NSUN3: variants seen among roughly 807,000 people sequenced by gnomAD.
NSUN3 encodes the protein NOP2/Sun RNA methyltransferase 3.
A neutral mutation model predicts 36.8 loss-of-function variants in NSUN3; 24 were observed. That is an observed-to-expected ratio of 0.65 (90% confidence interval 0.47 to 0.92). The LOEUF (loss-of-function observed/expected upper bound fraction) is 0.92, where lower values mean the gene tolerates loss of function less well. Among genes scored for constraint, NSUN3 ranks in the 40% least tolerant of loss-of-function variants. The pLI is 0.00. For synonymous variants in NSUN3, 146 were observed against 145.2 expected, an observed-to-expected ratio of 1.01 and a Z score of -0.04; for missense variants, 381 against 392.8, an observed-to-expected ratio of 0.97 and a Z score of 0.25.
chr3:94,076,953 C>G, intron 2 of NSUN3: 1 of 1,031,774 alleles, frequency 9.7e-7, no homozygotes, highest in Non-Finnish European at 1.5e-6. Context: ...TTTTGTTCAT[C>G]CAATGTGTGT....
At chr3:94,101,289 G>A (rs1198263817) in intron 5 of NSUN3, among the ~76,000 whole-genome samples, 2 of 152,102 alleles carry the variant, frequency 1.3e-5, no homozygotes, top group Admixed American at 1.3e-4. Context: ...ACTGTGCCCA[G>A]CACTGATGTT....
chr3:94,126,184 C>G (rs1484203208), intron 5 of NSUN3, 27 bp from the exon 6 acceptor site: 7 of 1,582,892 alleles, frequency 4.4e-6, no homozygotes, highest in Non-Finnish European at 6.0e-6. Flanking sequence ...CTTAACTAAT[C>G]TTTTGCATTT....
At chr3:94,079,825 GTCTAAACTTTTTTCAAGGT>G (rs2077260669) in intron 2 of NSUN3, among the ~76,000 whole-genome samples, 1 of 151,896 alleles carries the variant, frequency 6.6e-6, no homozygotes, top group Admixed American at 6.6e-5. Flanking sequence ...TTAGCAATTT[GTCTAAACTTTTTTCAAGGT>G]TCTTAGCTTC....
chr3:94,080,581 T>C (rs2077264353), intron 2 of NSUN3, among the ~76,000 whole-genome samples: 1 of 152,144 alleles, frequency 6.6e-6, no homozygotes, highest in Admixed American at 6.5e-5. Context: ...CTGAAGCTGC[T>C]GCCTTTTTTT....
intron 1 of NSUN3, 154 bp from the exon 2 acceptor site, chr3:94,064,283 A>G: frequency 3.4e-6 from 2 of 589,734 alleles, no homozygotes; most frequent in Non-Finnish European, 3.0e-6. Flanking sequence ...TAGATAATGT[A>G]CAGTTTTGGT....
At chr3:94,107,085 G>C (rs992328993) in intron 5 of NSUN3, among the ~76,000 whole-genome samples, 2 of 151,940 alleles carry the variant, frequency 1.3e-5, no homozygotes, top group African/African-American at 4.8e-5. Flanking sequence ...TTGAACAATA[G>C]GTATACACCA....
At chr3:94,078,636 A>G (rs1310898286) in intron 2 of NSUN3, among the ~76,000 whole-genome samples, 2 of 152,132 alleles carry the variant, frequency 1.3e-5, no homozygotes, top group Non-Finnish European at 1.5e-5. Context: ...TTGGGTGCAT[A>G]TATATTTAGG....
At chr3:94,094,616 C>T (rs2077329923) in intron 4 of NSUN3, among the ~76,000 whole-genome samples, 1 of 152,104 alleles carries the variant, frequency 6.6e-6, no homozygotes, top group African/African-American at 2.4e-5. Context: ...CAGAGTATGA[C>T]AGTTGAAGAA....
rs1169815335 is a variant in NSUN3, at chr3:94,128,080, C to T, written c.*1590C>T. 6.6e-6 allele frequency: 1 copy of T among 152,172 alleles called. No individual in the cohort carries two copies. The highest frequency in any genetic ancestry group is 1.5e-5 in the Non-Finnish European group (1 of 68,036). The allele number at this position is 152,172 out of a possible 1,614,324, so 9.4% of individuals were successfully genotyped here. A position where few individuals can be genotyped will look rare whatever the true frequency, so the allele number is the denominator to read the frequency against. On this transcript the variant is annotated 3_prime_UTR_variant, in exon 6 of 6. Coordinates refer to ENST00000314622, the MANE Select transcript of NSUN3 (RefSeq NM_022072.5). ...CTACTAAAAATGCAAAAAAATTAGA[C>T]AGGCATGGTGGCTGGCACCAGCAAT...
At chr3:94,078,019 T>C (rs2077253890) in intron 2 of NSUN3, among the ~76,000 whole-genome samples, 1 of 152,216 alleles carries the variant, frequency 6.6e-6, no homozygotes, top group South Asian at 2.1e-4. Flanking sequence ...CTAGTTCTTT[T>C]AATTTTGATG....
chr3:94,120,421 C>T (rs557791711), intron 5 of NSUN3, among the ~76,000 whole-genome samples: 2 of 152,180 alleles, frequency 1.3e-5, no homozygotes, highest in Non-Finnish European at 2.9e-5. Context: ...ACTAACTCTT[C>T]ATTCCCTTCA....
At chr3:94,071,782 G>A (rs1204126989) in intron 2 of NSUN3, among the ~76,000 whole-genome samples, 1 of 152,178 alleles carries the variant, frequency 6.6e-6, no homozygotes, top group African/African-American at 2.4e-5. Flanking sequence ...GAAAAGGCCT[G>A]GAGTGTGGCA....
intron 5 of NSUN3, among the ~76,000 whole-genome samples, chr3:94,099,465 A>T (rs747563708): frequency 6.6e-6 from 1 of 152,090 alleles, no homozygotes; most frequent in Non-Finnish European, 1.5e-5. Context: ...CTGACATCAC[A>T]TTGAATGTAG....
At chr3:94,091,599 T>G (rs1431086631) in intron 3 of NSUN3, among the ~76,000 whole-genome samples, 2 of 152,226 alleles carry the variant, frequency 1.3e-5, no homozygotes, top group Non-Finnish European at 2.9e-5. Flanking sequence ...GTTACGAGAT[T>G]CTTGTATCTT....
intron 5 of NSUN3, among the ~76,000 whole-genome samples, chr3:94,111,499 AAAAC>A (rs2077417385): frequency 6.6e-6 from 1 of 152,322 alleles, no homozygotes; most frequent in East Asian, 1.9e-4. Context: ...TACTAAGCTT[AAAAC>A]AAACATTGTA....
chr3:94,081,198 G>A (rs974682889), intron 2 of NSUN3, among the ~76,000 whole-genome samples: 10 of 152,088 alleles, frequency 6.6e-5, no homozygotes, highest in East Asian at 1.9e-4. Context: ...CTGATGAGGC[G>A]ATGCCCCACC....
At chr3:94,118,509 T>C (rs1337509253) in intron 5 of NSUN3, among the ~76,000 whole-genome samples, 6 of 152,132 alleles carry the variant, frequency 3.9e-5, no homozygotes, top group African/African-American at 1.4e-4. Flanking sequence ...TAGTGATAAT[T>C]TCATGCATTA....
chr3:94,112,513 A>G (rs985606492), intron 5 of NSUN3, among the ~76,000 whole-genome samples: 3 of 152,234 alleles, frequency 2.0e-5, no homozygotes, highest in African/African-American at 4.8e-5. Context: ...AGAGTTGTCT[A>G]GGTAATCAGT....
At chr3:94,096,587 CTCCTGGGT>C (rs2077341094) in intron 5 of NSUN3, among the ~76,000 whole-genome samples, 1 of 152,130 alleles carries the variant, frequency 6.6e-6, no homozygotes, top group Admixed American at 6.6e-5. Context: ...CAACATCTAC[CTCCTGGGT>C]TCAAGCGATT....
Sources: allele counts gnomAD v4.1 joint callset (sites outside exome capture counted in the v4.1 genomes callset), GRCh38; gene constraint gnomAD v4.1.1; transcripts MANE v1.5; gene names NCBI Gene and HGNC (gene_info 2026-07-23, HGNC 2026-07-21).